Variants in SAMD4A observed in about 807,000 individuals in gnomAD.
SAMD4A encodes protein Smaug homolog 1.
A neutral mutation model predicts 81.3 loss-of-function variants in SAMD4A; 33 were observed. That is an observed-to-expected ratio of 0.41 (90% CI 0.31 to 0.54). The LOEUF is 0.54. Ranked by LOEUF, SAMD4A falls within the 20% of genes least tolerant of loss-of-function variation. The probability of loss-of-function intolerance (pLI) is 0.37; values close to 1 mark genes in which losing one functional copy is unlikely to be tolerated. For synonymous variants in SAMD4A, 389 were observed against 382.1 expected (o/e 1.02, Z -0.21); for missense variants, 854 against 951.1 (o/e 0.90, Z 1.34).
At position 54,638,318 on chromosome 14, in the gene SAMD4A, A is replaced by G. The variant is rs531281015; in HGVS notation, c.197-63744A>G. Among the ~76,000 whole-genome samples the G allele has an allele frequency of 1.4e-4, 22 of 152,330 alleles. 1 individual carries two copies. The South Asian group carries it at 4.3e-3, about 30-fold the overall frequency. On this transcript the variant is annotated intron_variant, in intron 2 of 12. Coordinates refer to ENST00000554335, the MANE Select transcript of SAMD4A (RefSeq NM_015589.6). The stretch of plus-strand genomic sequence containing the variant: ...CTGATGTTTCCCATAAACGTTGCGC[A>G]TGGAATTTCCCCCATTTGTCATGCT...
At chr14:54,708,113 A>G (rs983509142) in intron 3 of SAMD4A, among the ~76,000 whole-genome samples, 25 of 152,254 alleles carry the variant, frequency 1.6e-4, no homozygotes, top group Admixed American at 1.6e-3. Flanking sequence ...AGTCTGTTGC[A>G]GTAATCAGGC....
chr14:54,664,769 T>C (rs1379030522), intron 2 of SAMD4A, among the ~76,000 whole-genome samples: 2 of 151,890 alleles, frequency 1.3e-5, no homozygotes, highest in African/African-American at 4.8e-5. Flanking sequence ...ATCTGATCTT[T>C]GGCTTTAAAA....
intron 3 of SAMD4A, among the ~76,000 whole-genome samples, chr14:54,704,456 A>C (rs990769008): frequency 3.9e-5 from 6 of 152,188 alleles, no homozygotes; most frequent in African/African-American, 1.4e-4. Flanking sequence ...CTATCTACTG[A>C]TTTATACATT....
intron 2 of SAMD4A, among the ~76,000 whole-genome samples, chr14:54,688,565 C>G (rs1394221999): frequency 6.6e-6 from 1 of 152,210 alleles, no homozygotes; most frequent in Non-Finnish European, 1.5e-5. Flanking sequence ...TCCTTAGATG[C>G]AGCGATTGCT....
Position 54,776,417 on chromosome 14 carries a change from C to G in SAMD4A, c.1921C>G (p.Leu641Val). 1 of 1,590,838 alleles carries G rather than the reference C, an allele frequency of 6.3e-7. No homozygotes were observed. Among genetic ancestry groups the G allele is most frequent in the South Asian group, 1.1e-5 (1 of 87,360 alleles). ...CCCCTTTTGCTTTTCTCACCAGAAC[C>G]TGTGGTTTGCCAACCCCGGGGGCAG... Reference protein sequence around the residue: ...PTIMKQGRQNLWFANPGGSNS... With the variant: ...PTIMKQGRQNVWFANPGGSNS... Residue 641 changes from leucine to valine, a missense_variant, in exon 11 of 13, where the codon CTG becomes GTG. Coordinates refer to ENST00000554335, the MANE Select transcript of SAMD4A (RefSeq NM_015589.6).
chr14:54,582,793 G>A (rs1244690359), intron 2 of SAMD4A, among the ~76,000 whole-genome samples: 3 of 152,056 alleles, frequency 2.0e-5, no homozygotes, highest in African/African-American at 7.3e-5. Flanking sequence ...ATTAGGAGAC[G>A]CATGCAGAAG....
intron 2 of SAMD4A, among the ~76,000 whole-genome samples, chr14:54,667,568 A>G (rs890590482): frequency 2.6e-5 from 4 of 152,098 alleles, no homozygotes; most frequent in African/African-American, 9.7e-5. Context: ...GGCAAATGTC[A>G]TTCTTCCACA....
chr14:54,623,943 G>C (rs964011101), intron 2 of SAMD4A, among the ~76,000 whole-genome samples: 1 of 152,108 alleles, frequency 6.6e-6, no homozygotes, highest in African/African-American at 2.4e-5. Flanking sequence ...GTATCTGAGA[G>C]GAACTGGTTT....
intron 3 of SAMD4A, among the ~76,000 whole-genome samples, chr14:54,733,990 T>C (rs991707059): frequency 6.6e-6 from 1 of 152,212 alleles, no homozygotes; most frequent in Non-Finnish European, 1.5e-5. Context: ...TGGCCTATTT[T>C]CTTGTAGCCT....
In SAMD4A at chr14:54,610,186, C is replaced by T. The variant is rs141921469; in HGVS notation, c.196+42074C>T. ...AGTTCCCAAAATGAACACGAGTTTT[C>T]GTAGCCTTTTGTTTTCCAAACAAGC... On this transcript the variant is annotated intron_variant, in intron 2 of 12. Coordinates refer to ENST00000554335, the MANE Select transcript of SAMD4A (RefSeq NM_015589.6). 8.3e-4 allele frequency among the ~76,000 whole-genome samples: 126 copies of T among 152,238 alleles called. 1 individual carries two copies. The highest frequency in any genetic ancestry group is 1.5e-3 in the Non-Finnish European group (103 of 68,002).
At chr14:54,638,963 T>C (rs2035101444) in intron 2 of SAMD4A, among the ~76,000 whole-genome samples, 1 of 152,174 alleles carries the variant, frequency 6.6e-6, no homozygotes, top group Non-Finnish European at 1.5e-5. Flanking sequence ...TATTATTTTT[T>C]TGAAATCTGA....
rs141959714 is a variant in SAMD4A at position 54,680,805 on chromosome 14, G to T, written c.197-21257G>T. 2.0e-3 allele frequency among the ~76,000 whole-genome samples: 305 copies of T among 152,252 alleles called. 1 individual carries two copies. Among genetic ancestry groups the T allele is most frequent in the African/African-American group, 6.8e-3 (282 of 41,556 alleles). On this transcript the variant is annotated intron_variant, in intron 2 of 12. Coordinates refer to ENST00000554335, the MANE Select transcript of SAMD4A (RefSeq NM_015589.6). ...AGAGGACACTGCCAGTAAGAGTGTTGTTATTGTTAGATAATCATAATGGTA... is the reference window on the plus strand; with the variant it reads ...AGAGGACACTGCCAGTAAGAGTGTTTTTATTGTTAGATAATCATAATGGTA...
At chr14:54,653,306 ATTAT>A (rs2035447484) in intron 2 of SAMD4A, among the ~76,000 whole-genome samples, 4 of 32,514 alleles carry the variant, frequency 1.2e-4, no homozygotes, top group Non-Finnish European at 2.5e-4. Flanking sequence ...TCTTAATATT[ATTAT>A]TATTATTATT....
chr14:54,576,023 T>C (rs1203392039), intron 2 of SAMD4A, among the ~76,000 whole-genome samples: 6 of 43,354 alleles, frequency 1.4e-4, no homozygotes, highest in South Asian at 1.2e-3. Context: ...TTTTTTTTTT[T>C]TTTTTTTTTT....
chr14:54,643,750 G>A (rs1453014393), intron 2 of SAMD4A, among the ~76,000 whole-genome samples: 1 of 152,224 alleles, frequency 6.6e-6, no homozygotes, highest in Non-Finnish European at 1.5e-5. Flanking sequence ...GAATGTTTTT[G>A]TTAAGGAAGT....
At chr14:54,620,307 A>C (rs1314281150) in intron 2 of SAMD4A, among the ~76,000 whole-genome samples, 3 of 152,278 alleles carry the variant, frequency 2.0e-5, no homozygotes, top group Admixed American at 6.5e-5. Flanking sequence ...AAGCAAACAG[A>C]AAACTGTCCA....
chr14:54,698,315 T>A (rs1293723978), intron 2 of SAMD4A, among the ~76,000 whole-genome samples: 1 of 152,258 alleles, frequency 6.6e-6, no homozygotes, highest in East Asian at 1.9e-4. Flanking sequence ...CTGTATCATA[T>A]AACTATAGAA....
intron 2 of SAMD4A, among the ~76,000 whole-genome samples, chr14:54,681,187 GC>G (rs1235449638): frequency 2.3e-5 from 1 of 44,352 alleles, no homozygotes; most frequent in African/African-American, 1.3e-4. Context: ...CAGCCCCCCA[GC>G]CCCCCAACCC....
In SAMD4A at chr14:54,597,661, C is replaced by T. The variant is rs189975715; in HGVS notation, c.196+29549C>T. ...CTGGAGTGCAGTGGCATGATCATGG[C>T]TCACTGCAGCCTCGACCTCCCAGGT... On this transcript the variant is annotated intron_variant, in intron 2 of 12. Transcript: ENST00000554335. Among the ~76,000 whole-genome samples the T allele has an allele frequency of 2.8e-5, 4 of 144,974 alleles. No individual in the cohort carries two copies. In the Admixed American group the frequency reaches 2.9e-4, roughly 10 times the overall value.
Sources: gnomAD v4.1 joint callset for allele counts (sites outside exome capture counted in the v4.1 genomes callset) on GRCh38, gnomAD v4.1.1 for gene constraint, MANE v1.5 for transcripts, NCBI Gene and HGNC (gene_info 2026-07-23, HGNC 2026-07-21) for gene names.